Variants in IQSEC1 observed in about 807,000 individuals in gnomAD.
IQSEC1 encodes the protein IQ motif and SEC7 domain-containing protein 1.
IQSEC1 carries 31 observed loss-of-function variants against 91.0 expected under a neutral mutation model. The observed-to-expected ratio is 0.34, with a 90% confidence interval of 0.26 to 0.46. The LOEUF (loss-of-function observed/expected upper bound fraction) is 0.46, where lower values mean the gene tolerates loss of function less well. Ranked by LOEUF, IQSEC1 falls within the 20% of genes least tolerant of loss-of-function variation. The probability of loss-of-function intolerance (pLI) is 1.00; values close to 1 mark genes in which losing one functional copy is unlikely to be tolerated. For missense variants in IQSEC1, 1,388 were observed against 1,575.6 expected (o/e 0.88, Z 2.02); for synonymous variants, 699 against 662.6 (o/e 1.05, Z -0.84).
At chr3:12,964,634 G>A (rs1700447216) in intron 1 of IQSEC1, among the ~76,000 whole-genome samples, 1 of 152,164 alleles carries the variant, frequency 6.6e-6, no homozygotes, top group African/African-American at 2.4e-5. Context: ...CACAGAAGGG[G>A]AAACAGGCTT....
chr3:12,956,263 A>G (rs114102159), intron 1 of IQSEC1, among the ~76,000 whole-genome samples: 3,215 of 152,276 alleles, frequency 0.021, 121 homozygotes, highest in African/African-American at 0.074. Context: ...ATGCTTACAC[A>G]GGACCAAAAT....
At chr3:13,226,624 T>A (rs1050724226) in intron 1 of IQSEC1, among the ~76,000 whole-genome samples, 1 of 151,638 alleles carries the variant, frequency 6.6e-6, no homozygotes, top group Non-Finnish European at 1.5e-5. Flanking sequence ...ATTTGCCTCA[T>A]CAACCCAGTA....
At chr3:13,072,930 C>T in intron 1 of IQSEC1, 62 bp downstream of exon 1, 6 of 1,453,838 alleles carry the variant, frequency 4.1e-6, no homozygotes, top group Non-Finnish European at 5.7e-6. Context: ...CACTCCAGCT[C>T]CCAGCTCAGC....
rs59033635 is a variant in IQSEC1, at chr3:12,955,853, G to A, written c.24-13988C>T. Among the ~76,000 whole-genome samples the A allele has an allele frequency of 5.2e-3, 785 of 152,304 alleles. 6 individuals are homozygous for A. Among genetic ancestry groups the A allele is most frequent in the African/African-American group, 0.018 (736 of 41,560 alleles). Reference sequence around the variant, plus strand: ...GCTCCCCATAAGGAGACCTCGGACTGCACGGAGCTCTCTGGAAGATAGATT... The same window carrying A: ...GCTCCCCATAAGGAGACCTCGGACTACACGGAGCTCTCTGGAAGATAGATT... On this transcript the variant is annotated intron_variant, in intron 1 of 13. Coordinates refer to ENST00000613206, the MANE Select transcript of IQSEC1 (RefSeq NM_001134382.3).
At chr3:12,985,076 G>A (rs1246924203) in intron 1 of IQSEC1, among the ~76,000 whole-genome samples, 2 of 151,962 alleles carry the variant, frequency 1.3e-5, no homozygotes, top group Admixed American at 6.5e-5. Context: ...CGCCCACCTC[G>A]GCCTCCCAAA....
At chr3:13,121,322 C>T (rs904123720) in intron 2 of IQSEC1, among the ~76,000 whole-genome samples, 2 of 152,224 alleles carry the variant, frequency 1.3e-5, no homozygotes, top group African/African-American at 4.8e-5. Flanking sequence ...CTCACCTCCT[C>T]CTCCCAGCTA....
In IQSEC1 at chr3:12,900,864, G is replaced by A. The variant is rs1350463403; in HGVS notation, c.*119C>T. On this transcript the variant is annotated 3_prime_UTR_variant, in exon 14 of 14. Coordinates refer to ENST00000613206, the MANE Select transcript of IQSEC1 (RefSeq NM_001134382.3). ...TGGGGCTCCGGTTGGGCCGTGAGGG[G>A]CAGAGGGGAGAGATGGCAACAGAAG... is the stretch of plus-strand genomic sequence containing the variant. 4 of 1,532,272 alleles carry A rather than the reference G, an allele frequency of 2.6e-6. No homozygotes were observed. The highest frequency in any genetic ancestry group is 3.5e-6 in the Non-Finnish European group (4 of 1,144,968). 94.9% of individuals were successfully genotyped at this position (1,532,272 alleles called of 1,614,324 possible).
intron 1 of IQSEC1, among the ~76,000 whole-genome samples, chr3:12,990,033 C>G (rs1406045163): frequency 6.6e-6 from 1 of 152,210 alleles, no homozygotes; most frequent in Non-Finnish European, 1.5e-5. Context: ...AAGCCCCAAA[C>G]CTGGTCCTAG....
intron 2 of IQSEC1, among the ~76,000 whole-genome samples, chr3:13,123,399 G>A (rs1051380959): frequency 2.0e-5 from 3 of 152,298 alleles, no homozygotes; most frequent in South Asian, 2.1e-4. Flanking sequence ...AGGTCTTTCC[G>A]GTTCCCATGG....
intron 1 of IQSEC1, among the ~76,000 whole-genome samples, chr3:13,261,898 G>C (rs17778571): frequency 0.13 from 19,123 of 152,246 alleles, 1,279 homozygotes; most frequent in East Asian, 0.17. Flanking sequence ...CCGTGCTCTG[G>C]GATTTTATGG....
chr3:13,117,093 T>A (rs1270409666), intron 2 of IQSEC1, among the ~76,000 whole-genome samples: 3 of 150,716 alleles, frequency 2.0e-5, no homozygotes, highest in Non-Finnish European at 4.4e-5. Context: ...CTGATAAGGA[T>A]CTAGTATCCA....
At chr3:12,914,448 G>T (rs1559615154) in intron 8 of IQSEC1, among the ~76,000 whole-genome samples, 1 of 152,354 alleles carries the variant, frequency 6.6e-6, no homozygotes, top group East Asian at 1.9e-4. Flanking sequence ...ACATCTGGGG[G>T]TTAAGATGAG....
chr3:12,942,248 A>C (rs1698818434), intron 1 of IQSEC1, among the ~76,000 whole-genome samples: 1 of 152,086 alleles, frequency 6.6e-6, no homozygotes, highest in African/African-American at 2.4e-5. Context: ...GCAATTACTG[A>C]CTCAGCGAAT....
chr3:13,058,987 G>A (rs1286862233), intron 1 of IQSEC1, among the ~76,000 whole-genome samples: 1 of 152,024 alleles, frequency 6.6e-6, no homozygotes, highest in Non-Finnish European at 1.5e-5. Context: ...TGGATGGGGG[G>A]GTAGTGCCCT....
intron 1 of IQSEC1, among the ~76,000 whole-genome samples, chr3:13,273,457 G>A (rs1333247308): frequency 1.3e-5 from 2 of 152,178 alleles, no homozygotes; most frequent in Non-Finnish European, 2.9e-5. Flanking sequence ...TCCAAGAACT[G>A]CTGCAGGCAG....
intron 2 of IQSEC1, among the ~76,000 whole-genome samples, chr3:13,084,390 C>T (rs1184422003): frequency 1.3e-5 from 2 of 152,222 alleles, no homozygotes; most frequent in Non-Finnish European, 2.9e-5. Flanking sequence ...GGCCTGGCAA[C>T]ATCCCAGGGG....
intron 1 of IQSEC1, among the ~76,000 whole-genome samples, chr3:13,021,710 G>A (rs955276921): frequency 1.3e-5 from 2 of 152,238 alleles, no homozygotes; most frequent in Non-Finnish European, 2.9e-5. Flanking sequence ...TGGGTAACAG[G>A]CTCAGAGATG....
intron 2 of IQSEC1, among the ~76,000 whole-genome samples, chr3:13,142,503 A>C (rs1293580468): frequency 6.6e-6 from 1 of 152,058 alleles, no homozygotes; most frequent in Non-Finnish European, 1.5e-5. Flanking sequence ...GATCTCTCTG[A>C]CCCACCTCTG....
chr3:13,117,566 T>C (rs1481105922), intron 2 of IQSEC1, among the ~76,000 whole-genome samples: 2 of 41,010 alleles, frequency 4.9e-5, no homozygotes, highest in Non-Finnish European at 7.4e-5. Flanking sequence ...CAAGACTCCG[T>C]CTCAAAAAAA....
Sources: allele counts gnomAD v4.1 joint callset (sites outside exome capture counted in the v4.1 genomes callset), GRCh38; gene constraint gnomAD v4.1.1; transcripts MANE v1.5; gene names NCBI Gene and HGNC (gene_info 2026-07-23, HGNC 2026-07-21).